C16orf74: variants seen among roughly 807,000 people sequenced by gnomAD.
The protein encoded by C16orf74 is calcimembrin.
In C16orf74, 10 loss-of-function variants were observed where a neutral mutation model predicts 6.5. That is an observed-to-expected ratio of 1.54 (90% CI 0.95 to 2.61). The LOEUF (loss-of-function observed/expected upper bound fraction) is 2.61. C16orf74 is among the 30% of genes most tolerant of loss of function. C16orf74 has a pLI of 0.00. For missense variants in C16orf74, 141 were observed against 105.9 expected (o/e 1.33, Z -1.45); for synonymous variants, 60 against 42.5 (o/e 1.41, Z -1.60).
chr16:85,721,977 CCT>C (rs2054087598), intron 2 of C16orf74, among the ~76,000 whole-genome samples: 2 of 121,486 alleles, frequency 1.6e-5, no homozygotes, highest in East Asian at 2.6e-4. Context: ...GAGATTCTAA[CCT>C]TTTTTTTTTT....
intron 2 of C16orf74, among the ~76,000 whole-genome samples, chr16:85,716,278 G>A (rs1017265645): frequency 3.3e-5 from 5 of 150,400 alleles, no homozygotes; most frequent in East Asian, 2.0e-4. Flanking sequence ...AGGAGAGAAC[G>A]GAGGGAAGGA....
rs57813380 is a variant in C16orf74 at position 85,740,827 on chromosome 16, C to CAAAAAAAA, written c.-18-5600_-18-5593dup. Among the ~76,000 whole-genome samples, 16 of 97,862 alleles carry CAAAAAAAA rather than the reference C, an allele frequency of 1.6e-4. 1 individual carries two copies. Among genetic ancestry groups the CAAAAAAAA allele is most frequent in the Admixed American group, 2.9e-4 (2 of 6,900 alleles). The allele number at this position is 97,862 out of a possible 152,430, so 64.2% of individuals were successfully genotyped here. A position where few individuals can be genotyped will look rare whatever the true frequency, so the allele number is the denominator to read the frequency against. ...AGCCTGGGCAAGAGAGTGAGACCCT[C>CAAAAAAAA]AAAAAAAAAAAAAAAAAAAGAAAGA... On this transcript the variant is annotated intron_variant, in intron 1 of 3. Coordinates refer to ENST00000284245, the MANE Select transcript of C16orf74 (RefSeq NM_206967.3).
At chr16:85,710,595 T>G in intron 2 of C16orf74, 1 of 377,494 alleles carries the variant, frequency 2.6e-6, no homozygotes, top group South Asian at 4.0e-5. Flanking sequence ...CTTTACCATG[T>G]GGCCCAGCCA....
intron 1 of C16orf74, among the ~76,000 whole-genome samples, chr16:85,739,497 G>A (rs749237843): frequency 3.9e-5 from 6 of 152,204 alleles, no homozygotes; most frequent in Non-Finnish European, 7.3e-5. Flanking sequence ...AATGCTGTGG[G>A]GCACAGGGAG....
At chr16:85,716,522 G>C (rs2054025759) in intron 2 of C16orf74, among the ~76,000 whole-genome samples, 1 of 142,862 alleles carries the variant, frequency 7.0e-6, no homozygotes, top group South Asian at 2.4e-4. Context: ...AGGAGACAGG[G>C]GAGAAGGAAG....
chr16:85,741,144 C>A (rs74034069), intron 1 of C16orf74, among the ~76,000 whole-genome samples: 2,622 of 152,312 alleles, frequency 0.017, 69 homozygotes, highest in African/African-American at 0.059. Flanking sequence ...CTGGCCTCCC[C>A]ACCATGGTCT....
intron 2 of C16orf74, among the ~76,000 whole-genome samples, chr16:85,725,258 G>C (rs765585703): frequency 1.3e-5 from 2 of 152,168 alleles, no homozygotes; most frequent in Non-Finnish European, 2.9e-5. Context: ...CCTGGGCAGA[G>C]ATCTGTTCAG....
intron 1 of C16orf74, among the ~76,000 whole-genome samples, chr16:85,747,073 G>A (rs2054382387): frequency 6.6e-6 from 1 of 152,114 alleles, no homozygotes; most frequent in African/African-American, 2.4e-5. Context: ...GAGGCCCACC[G>A]AAATCCCCAC....
intron 1 of C16orf74, among the ~76,000 whole-genome samples, chr16:85,743,007 C>T (rs1478973850): frequency 6.6e-6 from 1 of 152,184 alleles, no homozygotes; most frequent in Non-Finnish European, 1.5e-5. Context: ...AGTGTGATTG[C>T]CACTAGGTAC....
intron 2 of C16orf74, chr16:85,710,664 C>T (rs1338983605): frequency 4.5e-6 from 1 of 222,378 alleles, no homozygotes; most frequent in African/African-American, 2.3e-5. Context: ...AGCCTCCACT[C>T]TCCAAAGTGC....
intron 1 of C16orf74, among the ~76,000 whole-genome samples, chr16:85,740,347 G>A (rs1354260758): frequency 1.3e-5 from 2 of 151,604 alleles, no homozygotes; most frequent in Non-Finnish European, 1.5e-5. Context: ...CTGAGGTGAG[G>A]AGTTCGAGAC....
In C16orf74 at chr16:85,720,482, C is replaced by G. The variant is rs908746432; in HGVS notation, c.29-10175G>C. 3.3e-5 allele frequency among the ~76,000 whole-genome samples: 5 copies of G among 152,242 alleles called. No homozygotes were observed. The South Asian group carries it at 1.0e-3, about 32-fold the overall frequency. ...TGAGCCCAGATTCCAAAGGCCAGGT[C>G]CAGGGTCGGGCACAGTGACTCATGC... is the stretch of plus-strand genomic sequence containing the variant. On this transcript the variant is annotated intron_variant, in intron 2 of 3. Coordinates refer to ENST00000284245, the MANE Select transcript of C16orf74 (RefSeq NM_206967.3).
intron 2 of C16orf74, among the ~76,000 whole-genome samples, chr16:85,723,175 A>G (rs552881951): frequency 2.0e-5 from 3 of 150,394 alleles, no homozygotes; most frequent in African/African-American, 7.4e-5. Flanking sequence ...CAGGAGAATC[A>G]CTTGAACCCA....
chr16:85,739,515 C>G (rs184196133), intron 1 of C16orf74, among the ~76,000 whole-genome samples: 1 of 152,284 alleles, frequency 6.6e-6, no homozygotes, highest in East Asian at 1.9e-4. Context: ...GAGGCGTCAC[C>G]ATGAGAGCAG....
intron 2 of C16orf74, among the ~76,000 whole-genome samples, chr16:85,711,232 C>T (rs904454565): frequency 6.7e-6 from 1 of 149,432 alleles, no homozygotes. Flanking sequence ...AGGAGAATCA[C>T]TTAAACCCGG....
intron 1 of C16orf74, among the ~76,000 whole-genome samples, chr16:85,737,665 A>G (rs1175447798): frequency 6.6e-6 from 1 of 152,316 alleles, no homozygotes; most frequent in African/African-American, 2.4e-5. Flanking sequence ...CCCCATCGCT[A>G]CTAAAAATAC....
chr16:85,725,778 A>G (rs896986823), intron 2 of C16orf74, among the ~76,000 whole-genome samples: 8 of 152,066 alleles, frequency 5.3e-5, no homozygotes, highest in African/African-American at 1.4e-4. Context: ...TAATGTTTCT[A>G]TTCTTTGTAG....
chr16:85,741,427 A>C (rs549251335), intron 1 of C16orf74, among the ~76,000 whole-genome samples: 1 of 152,182 alleles, frequency 6.6e-6, no homozygotes, highest in East Asian at 1.9e-4. Flanking sequence ...GAAGCAAACC[A>C]GAGGATGGGG....
Position 85,719,269 on chromosome 16 carries a change from T to G in C16orf74, c.29-8962A>C, listed in dbSNP as rs372012408. On this transcript the variant is annotated intron_variant, in intron 2 of 3. Transcript: ENST00000284245. Reference sequence around the variant, plus strand: ...ACACTGCTGCGGAAAGAACGGCCTCTACAGAGGTTTATCTGTGCCTTTCCC... The same window carrying G: ...ACACTGCTGCGGAAAGAACGGCCTCGACAGAGGTTTATCTGTGCCTTTCCC... Among the ~76,000 whole-genome samples, 10 of 152,336 alleles carry G rather than the reference T, an allele frequency of 6.6e-5. 2 individuals carry two copies. The highest frequency in any genetic ancestry group is 2.4e-4 in the African/African-American group (10 of 41,572).
Sources: gnomAD v4.1 joint callset for allele counts (sites outside exome capture counted in the v4.1 genomes callset) on GRCh38, gnomAD v4.1.1 for gene constraint, MANE v1.5 for transcripts, NCBI Gene and HGNC (gene_info 2026-07-23, HGNC 2026-07-21) for gene names.